The following PPARGC1A variants were observed in gnomAD, a reference collection of about 807,000 sequenced individuals.
The protein encoded by PPARGC1A is PPARG coactivator 1 alpha, also known as peroxisome proliferator-activated receptor gamma coactivator 1-alpha.
In PPARGC1A, 25 loss-of-function variants were observed where a neutral mutation model predicts 88.7. That is an observed-to-expected ratio of 0.28 (90% CI 0.21 to 0.39). The LOEUF is 0.39. PPARGC1A is among the 10% of genes least tolerant of loss of function. The pLI, the probability that PPARGC1A is intolerant of heterozygous loss-of-function variation, is 1.00. For missense variants in PPARGC1A, 880 were observed against 968.7 expected (o/e 0.91, Z 1.22); for synonymous variants, 363 against 355.6 (o/e 1.02, Z -0.24).
chr4:23,919,384 C>T, the PPARGC1A span, among the ~76,000 whole-genome samples: 472 of 152,064 alleles, frequency 3.1e-3, 1 homozygote, highest in Non-Finnish European at 4.6e-3. Flanking sequence ...TACATTGGGC[C>T]TCAGTTTCCC....
chr4:24,400,961 AACAT>A, the PPARGC1A span, among the ~76,000 whole-genome samples: 1 of 152,030 alleles, frequency 6.6e-6, no homozygotes, highest in Non-Finnish European at 1.5e-5. Context: ...TTGTATCTGG[AACAT>A]ATGAACCTGT....
the PPARGC1A span, among the ~76,000 whole-genome samples, chr4:23,985,260 CA>C: frequency 6.6e-6 from 1 of 152,008 alleles, no homozygotes; most frequent in Non-Finnish European, 1.5e-5. Flanking sequence ...ACTGGGTGAG[CA>C]AAGCAGTTGT....
chr4:23,995,351 G>T, the PPARGC1A span, among the ~76,000 whole-genome samples: 24,653 of 152,080 alleles, frequency 0.16, 2,072 homozygotes, highest in South Asian at 0.19. Context: ...TATTCTCCTT[G>T]CAAGTATAAT....
the PPARGC1A span, among the ~76,000 whole-genome samples, chr4:24,292,645 C>G: frequency 1.0e-5 from 1 of 96,056 alleles, no homozygotes; most frequent in Non-Finnish European, 2.1e-5. Context: ...CCCCCTCACC[C>G]CCACCCCTTC....
At chr4:24,375,070 G>A in the PPARGC1A span, among the ~76,000 whole-genome samples, 7 of 149,810 alleles carry the variant, frequency 4.7e-5, no homozygotes, top group Admixed American at 6.6e-5. Context: ...GTTGGGATAC[G>A]TGGGGACTTT....
chr4:23,967,663 C>T, the PPARGC1A span, among the ~76,000 whole-genome samples: 28 of 152,128 alleles, frequency 1.8e-4, no homozygotes, highest in Admixed American at 1.8e-3. Context: ...AAGTCATTAT[C>T]AGGTTTATCT....
At chr4:23,819,768 C>A (rs1346992959) in intron 7 of PPARGC1A, among the ~76,000 whole-genome samples, 3 of 152,224 alleles carry the variant, frequency 2.0e-5, no homozygotes, top group East Asian at 1.9e-4. Context: ...AGTCGCCAAG[C>A]ATTGGAATGG....
At chr4:24,150,806 G>A in the PPARGC1A span, among the ~76,000 whole-genome samples, 2 of 152,154 alleles carry the variant, frequency 1.3e-5, no homozygotes, top group Non-Finnish European at 2.9e-5. Flanking sequence ...ATCTAAGTCA[G>A]TCTGGTTCCA....
the PPARGC1A span, among the ~76,000 whole-genome samples, chr4:24,068,388 T>C: frequency 6.6e-6 from 1 of 152,168 alleles, no homozygotes; most frequent in African/African-American, 2.4e-5. Flanking sequence ...ATGGGCTCAC[T>C]TTTTGCCAAT....
At chr4:24,366,603 A>C in the PPARGC1A span, among the ~76,000 whole-genome samples, 548 of 152,304 alleles carry the variant, frequency 3.6e-3, 27 homozygotes, top group East Asian at 0.081. Context: ...TTAAACTAGT[A>C]GCATAAAATG....
chr4:23,814,662 T>G, intron 7 of PPARGC1A, 57 bp from the exon 8 acceptor site: 37 of 1,350,666 alleles, frequency 2.7e-5, no homozygotes, highest in African/African-American at 4.5e-5. Context: ...GAGACAGAGA[T>G]AATGTTCTTA....
chr4:23,810,187 A>G (rs756338408), intron 10 of PPARGC1A, among the ~76,000 whole-genome samples: 5 of 152,250 alleles, frequency 3.3e-5, no homozygotes, highest in Admixed American at 6.5e-5. Context: ...CTTATCACTT[A>G]TAGTCCACTC....
the PPARGC1A span, among the ~76,000 whole-genome samples, chr4:24,301,335 A>G: frequency 6.6e-6 from 1 of 152,194 alleles, no homozygotes; most frequent in Non-Finnish European, 1.5e-5. Flanking sequence ...ATTGAACTCT[A>G]GCTGTTAAGT....
At chr4:24,117,338 G>A in the PPARGC1A span, among the ~76,000 whole-genome samples, 2 of 152,096 alleles carry the variant, frequency 1.3e-5, no homozygotes, top group Non-Finnish European at 2.9e-5. Flanking sequence ...TTAAGTGAAG[G>A]AATTCAGGTG....
the PPARGC1A span, among the ~76,000 whole-genome samples, chr4:24,372,758 C>T: frequency 6.6e-6 from 1 of 152,198 alleles, no homozygotes; most frequent in African/African-American, 2.4e-5. Flanking sequence ...CTCTAAGCCT[C>T]AACATTCTCA....
At chr4:24,367,703 A>G in the PPARGC1A span, among the ~76,000 whole-genome samples, 3 of 152,190 alleles carry the variant, frequency 2.0e-5, no homozygotes, top group Non-Finnish European at 2.9e-5. Context: ...GTGGGCATGT[A>G]TTACTATCTA....
At chr4:24,103,595 C>CA in the PPARGC1A span, among the ~76,000 whole-genome samples, 29,959 of 121,450 alleles carry the variant, frequency 0.25, 4,211 homozygotes, top group Admixed American at 0.4. Flanking sequence ...TGCCTTCTTC[C>CA]AAAAAAAAAA....
the PPARGC1A span, among the ~76,000 whole-genome samples, chr4:24,317,167 T>A: frequency 6.6e-6 from 1 of 152,044 alleles, no homozygotes; most frequent in South Asian, 2.1e-4. Flanking sequence ...GGAGTGGGCA[T>A]ACTACCCTTA....
chr4:24,214,373 G>A, the PPARGC1A span, among the ~76,000 whole-genome samples: 2 of 152,228 alleles, frequency 1.3e-5, no homozygotes. Context: ...GGAAGCTGGA[G>A]TGAGTGAAGG....
Sources: gnomAD v4.1 joint callset for allele counts (sites outside exome capture counted in the v4.1 genomes callset) on GRCh38, gnomAD v4.1.1 for gene constraint, MANE v1.5 for transcripts, NCBI Gene and HGNC (gene_info 2026-07-23, HGNC 2026-07-21) for gene names.